The following VILL variants were observed in gnomAD, a reference collection of about 807,000 sequenced individuals.
VILL encodes villin like, also known as villin-like protein.
VILL carries 102 observed loss-of-function variants against 106.3 expected under a neutral mutation model. The ratio of observed to expected loss-of-function variants is 0.96; its 90% confidence interval spans 0.82 to 1.13. The LOEUF (loss-of-function observed/expected upper bound fraction) is 1.13. Ranked by LOEUF, VILL falls within the 50% of genes most tolerant of loss-of-function variation. The pLI, the probability that VILL is intolerant of heterozygous loss-of-function variation, is 0.00. For synonymous variants in VILL, 431 were observed against 440.3 expected (o/e 0.98, Z 0.27); for missense variants, 1,076 against 1,116.6 (o/e 0.96, Z 0.52).
chr3:38,005,711 C>A, intron 16 of VILL, 81 bp from the exon 17 acceptor site: 1 of 1,469,920 alleles, frequency 6.8e-7, no homozygotes, highest in Non-Finnish European at 9.2e-7. Flanking sequence ...TCTGGGACAA[C>A]TGGACAGGGA....
chr3:38,002,264 T>G, intron 13 of VILL, 132 bp from the exon 14 acceptor site: 1 of 814,854 alleles, frequency 1.2e-6, no homozygotes, highest in Non-Finnish European at 1.9e-6. Context: ...GTACTCCTCA[T>G]GTGAAATCAC....
chr3:37,989,254 G>A (rs1274818761), upstream of VILL, among the ~76,000 whole-genome samples: 1 of 151,840 alleles, frequency 6.6e-6, no homozygotes, highest in African/African-American at 2.4e-5. Flanking sequence ...GGGGCCTGAG[G>A]CGATGTTAAA....
At chr3:38,000,800 G>A (rs1699799315) in intron 11 of VILL, 1 of 447,528 alleles carries the variant, frequency 2.2e-6, no homozygotes. Context: ...CAGGGTCAGT[G>A]TGGGAAAGGA....
Position 37,997,292 on chromosome 3 carries a change from C to A in VILL, c.561+105C>A. On this transcript the variant is annotated intron_variant, in intron 6 of 19. Transcript: ENST00000383759. The surrounding 1 kb of genome is among the most constrained non-coding windows in gnomAD (Gnocchi z 4.7). ...CAAAGAGTTGGGCTTGGCTCTGCTA[C>A]AACCCAAGAAACGCCTATGAGTTAC... 7.7e-7 allele frequency: 1 copy of A among 1,306,948 alleles called. No homozygotes were observed. The highest frequency in any genetic ancestry group is 1.1e-6 in the Non-Finnish European group (1 of 923,990). The allele number at this position is 1,306,948 out of a possible 1,614,324, so 81.0% of individuals were successfully genotyped here. A position where few individuals can be genotyped will look rare whatever the true frequency, so the allele number is the denominator to read the frequency against.
chr3:38,006,157 T>C (rs987891764), intron 17 of VILL, 24 bp from the exon 18 acceptor site: 4 of 1,614,032 alleles, frequency 2.5e-6, no homozygotes, highest in Admixed American at 1.7e-5. Context: ...CTGGCCCTGA[T>C]ACTTGCCCCG....
intron 1 of VILL, among the ~76,000 whole-genome samples, chr3:37,991,535 GGGGCACCCAGT>G (rs1233668697): frequency 3.9e-4 from 60 of 151,924 alleles, no homozygotes; most frequent in African/African-American, 1.4e-3. Flanking sequence ...GGGGGAGGCA[GGGGCACCCAGT>G]GGGGACAGAG....
chr3:38,004,289 C>G lies in VILL; in HGVS notation c.1840C>G (p.Leu614Val). 6.2e-7 allele frequency: 1 copy of G among 1,613,798 alleles called. No individual in the cohort carries two copies. Among genetic ancestry groups the G allele is most frequent in the Non-Finnish European group, 8.5e-7 (1 of 1,179,662 alleles). ...PEEVPSFQPR[L>V]FECSSHMGCL... ...GGAGGTCCCCAGCTTCCAGCCACGA[C>G]TGTTTGAGTGCTCCAGCCACATGGG... Residue 614 changes from leucine (L) to valine (V), a missense_variant, in exon 16 of 20, where the codon CTG becomes GTG. Leu to Val is a conservative substitution (Grantham distance 32, BLOSUM62 1). Transcript: ENST00000383759.
In VILL at chr3:38,001,784, T is replaced by A. The variant is rs780055814; in HGVS notation, c.1403T>A (p.Val468Glu). ...GATGTCATGTATGGTGGCGTCCTAG[T>A]ACAGGAGCATGTGACCATGGGCAGC... ...ELDVMYGGVLVQEHVTMGSEP... is the reference protein window; with the variant it reads ...ELDVMYGGVLEQEHVTMGSEP... The change falls in exon 13 of 20, where the codon GTA (valine) becomes GAA (glutamate). Residue 468 changes from valine to glutamate, a missense_variant. Coordinates refer to ENST00000383759, the MANE Select transcript of VILL (RefSeq NM_015873.4). 1 of 1,614,266 alleles carries A rather than the reference T, an allele frequency of 6.2e-7. No homozygotes were observed. The highest frequency in any genetic ancestry group is 8.5e-7 in the Non-Finnish European group (1 of 1,180,044).
In VILL at chr3:37,998,783, A is replaced by G; in HGVS notation, c.943-129A>G. 1 of 1,419,498 alleles carries G rather than the reference A, an allele frequency of 7.0e-7. No homozygotes were observed. Among genetic ancestry groups the G allele is most frequent in the South Asian group, 1.5e-5 (1 of 66,424 alleles). 87.9% of individuals were successfully genotyped at this position (1,419,498 alleles called of 1,614,324 possible). A position where few individuals can be genotyped will look rare whatever the true frequency, so the allele number is the denominator to read the frequency against. On this transcript the variant is annotated intron_variant, in intron 9 of 19. Transcript: ENST00000383759. The surrounding 1 kb of genome is among the most constrained non-coding windows in gnomAD (Gnocchi z 4.1). The stretch of plus-strand genomic sequence containing the variant: ...TCGGTGGTGACAGAGTCAATTCGCT[A>G]AGTGGGTCATGAGCTCGGTTAATTA...
rs544290348 is a variant in VILL at position 37,998,235 on chromosome 3, A to G, written c.844-31A>G. 9.3e-6 allele frequency: 15 copies of G among 1,613,638 alleles called. No homozygotes were observed. In the South Asian group the frequency reaches 1.3e-4, roughly 14 times the overall value. On this transcript the variant is annotated intron_variant, in intron 8 of 19. Transcript: ENST00000383759. This position sits in a 1 kb window ranked among gnomAD's most constrained non-coding sequence, Gnocchi z 4.1. ...CCACAACCCCAGCCCAGTCTGGACC[A>G]CCTACTGACCAGCCCCACCCTTGCT...
chr3:38,006,780 G>A (rs143386196), intron 19 of VILL, 80 bp downstream of exon 19: 440 of 1,541,220 alleles, frequency 2.9e-4, no homozygotes, highest in Admixed American at 3.6e-4. Context: ...CACTGGTGGC[G>A]GGCAGTGGGC....
rs569097618 is a variant in VILL at position 38,007,091 on chromosome 3, C to CCCAA, written c.*38_*41dup. The stretch of plus-strand genomic sequence containing the variant: ...TCTCGACTGCCCCTATCCCCTGGAC[C>CCCAA]CCAACATACCTACAATGCTGGGGAG... On this transcript the variant is annotated 3_prime_UTR_variant, in exon 20 of 20. Coordinates refer to ENST00000383759, the MANE Select transcript of VILL (RefSeq NM_015873.4). 5.1e-4 allele frequency: 782 copies of CCCAA among 1,544,512 alleles called. 9 individuals carry two copies. The highest frequency in any genetic ancestry group is 1.3e-3 in the Middle Eastern group (7 of 5,598).
chr3:38,003,083 C>G (rs1202684673), intron 14 of VILL, 85 bp from the exon 15 acceptor site: 3 of 1,519,650 alleles, frequency 2.0e-6, no homozygotes, highest in African/African-American at 2.7e-5. Context: ...CCCAGCCCCA[C>G]CCCATACACC....
chr3:37,999,550 A>G, intron 11 of VILL, 111 bp downstream of exon 11: 5 of 758,966 alleles, frequency 6.6e-6, no homozygotes, highest in Non-Finnish European at 1.0e-5. Context: ...ATCCACACAC[A>G]ATCAGGGACA....
rs1156264427 is a variant in VILL at position 37,994,349 on chromosome 3, C to T, written c.224C>T (p.Ala75Val). 1 of 1,611,454 alleles carries T rather than the reference C, an allele frequency of 6.2e-7. No individual in the cohort carries two copies. The highest frequency in any genetic ancestry group is 8.5e-7 in the Non-Finnish European group (1 of 1,179,634). The change falls in exon 4 of 20, where the codon GCT (alanine) becomes GTT (valine). Residue 75 changes from alanine (A) to valine (V), a missense_variant. Ala to Val is a moderately conservative substitution (Grantham distance 64). Coordinates refer to ENST00000383759, the MANE Select transcript of VILL (RefSeq NM_015873.4). ...CAGGCGGGTGCGGAAGCGCAGGGCG[C>T]TGCGGAGGCCTTCCAGCAGCGCCTA... The part of the protein sequence containing the change: ...GKQAGAEAQG[A>V]AEAFQQRLQD...
At position 37,994,384 on chromosome 3, in the gene VILL, C is replaced by A. The variant is rs1405058028; in HGVS notation, c.259C>A (p.Leu87Met). 17 of 1,612,332 alleles carry A rather than the reference C, an allele frequency of 1.1e-5. No individual in the cohort carries two copies. The highest frequency in any genetic ancestry group is 1.4e-5 in the Non-Finnish European group (16 of 1,179,824). The change falls in exon 4 of 20, where the codon CTG (leucine) becomes ATG (methionine). Residue 87 changes from leucine to methionine, a missense_variant. Coordinates refer to ENST00000383759, the MANE Select transcript of VILL (RefSeq NM_015873.4). ...CTTCCAGCAGCGCCTACAGGACGAG[C>A]TGGGGGGCCAGACCGTGCTGCACCG... Reference protein sequence around the residue: ...EAFQQRLQDELGGQTVLHREA... With the variant: ...EAFQQRLQDEMGGQTVLHREA...
rs373578988 is a variant in VILL, at chr3:38,006,925, C to G, written c.2458-17C>G. ...ATGACACCCTACCCTGTACCTCCCCCTCTCTCCCCTGCCCAGTTCTATCTC... is the reference window on the plus strand; with the variant it reads ...ATGACACCCTACCCTGTACCTCCCCGTCTCTCCCCTGCCCAGTTCTATCTC... On this transcript the variant is annotated splice_polypyrimidine_tract_variant and intron_variant, in intron 19 of 19. Transcript: ENST00000383759. 3.0e-5 allele frequency: 48 copies of G among 1,606,736 alleles called. No homozygotes were observed. The highest frequency in any genetic ancestry group is 2.0e-4 in the Admixed American group (12 of 59,924).
At position 37,994,057 on chromosome 3, in the gene VILL, G is replaced by C. The variant is rs1261220676; in HGVS notation, c.135+85G>C. ...GAGGCACAGGCATAAACTCTGCCCTGGGAAGCGGCAAGTTGAGAGCCGGAG... is the reference window on the plus strand; with the variant it reads ...GAGGCACAGGCATAAACTCTGCCCTCGGAAGCGGCAAGTTGAGAGCCGGAG... On this transcript the variant is annotated intron_variant, in intron 3 of 19. Transcript: ENST00000383759. 2.6e-6 allele frequency: 4 copies of C among 1,556,962 alleles called. No homozygotes were observed. In the East Asian group the frequency reaches 9.0e-5, roughly 35 times the overall value.
At chr3:37,996,863 G>A (rs117392246) in intron 5 of VILL, among the ~76,000 whole-genome samples, 1,568 of 152,170 alleles carry the variant, frequency 0.01, 71 homozygotes, top group Admixed American at 0.077. Context: ...GTATACATGT[G>A]TACATGTATA....
Sources: allele counts gnomAD v4.1 joint callset (sites outside exome capture counted in the v4.1 genomes callset), GRCh38; gene constraint gnomAD v4.1.1; non-coding constraint Gnocchi (gnomAD v3.1); transcripts MANE v1.5; gene names NCBI Gene and HGNC (gene_info 2026-07-23, HGNC 2026-07-21).